SYNE1: variants seen among roughly 807,000 people sequenced by gnomAD.
SYNE1 encodes the protein nesprin-1.
SYNE1 carries 616 observed loss-of-function variants against 1,111.0 expected under a neutral mutation model. That is an observed-to-expected ratio of 0.55 (90% CI 0.52 to 0.59). The LOEUF (loss-of-function observed/expected upper bound fraction) is 0.59. Among genes scored for constraint, SYNE1 ranks in the 20% least tolerant of loss-of-function variants. The pLI, the probability that SYNE1 is intolerant of heterozygous loss-of-function variation, is 0.00. For synonymous variants in SYNE1, 3,855 were observed against 3,825.8 expected (o/e 1.01, Z -0.28); for missense variants, 10,006 against 10,417.0 (o/e 0.96, Z 1.72).
chr6:152,382,256 CTT>C (rs1410653263), intron 55 of SYNE1, among the ~76,000 whole-genome samples: 2 of 151,990 alleles, frequency 1.3e-5, no homozygotes, highest in African/African-American at 4.8e-5. Context: ...AAAATTATGA[CTT>C]TACTACCGGA....
Position 152,353,779 on chromosome 6 carries a change from T to C in SYNE1, c.10927-35A>G. The C allele has an allele frequency of 5.0e-6, 8 of 1,611,884 alleles. No homozygotes were observed. The African/African-American group carries it at 5.3e-5, about 11-fold the overall frequency. On this transcript the variant is annotated intron_variant, in intron 67 of 145. Transcript: ENST00000367255. The stretch of plus-strand genomic sequence containing the variant: ...CAAAGTATCGAAGGGAAAGATTCAA[T>C]CTTAGCCATTCGAATAAGCCAAATG...
Position 152,140,041 on chromosome 6 carries a change from A to G in SYNE1, c.25367T>C (p.Leu8456Pro), listed in dbSNP as rs748092425. ...TTCCAACTCCTCCTCCGTGTCCCCC[A>G]GCCAGGCCCAGATGCTGTTCAAGTC... ...NSDLNSIWAW[L>P]GDTEEELEQL... The change falls in exon 140 of 146, where the codon CTG becomes CCG. Residue 8456 changes from leucine to proline, a missense_variant. Leu to Pro is a moderately conservative substitution (Grantham distance 98, BLOSUM62 -3). Transcript: ENST00000367255. The G allele has an allele frequency of 6.2e-7, 1 of 1,614,168 alleles. No individual in the cohort carries two copies. Among genetic ancestry groups the G allele is most frequent in the Admixed American group, 1.7e-5 (1 of 60,020 alleles).
intron 9 of SYNE1, among the ~76,000 whole-genome samples, chr6:152,504,614 T>A (rs1004048434): frequency 1.3e-5 from 2 of 152,234 alleles, no homozygotes; most frequent in African/African-American, 4.8e-5. Context: ...ACTTTGATAC[T>A]TTTGTTTCAA....
In SYNE1 at chr6:152,574,201, TAC is replaced by T. The variant is rs1039835031; in HGVS notation, c.68-34182_68-34181del. 1.4e-4 allele frequency among the ~76,000 whole-genome samples: 14 copies of T among 99,412 alleles called. No homozygotes were observed. In the South Asian group the frequency reaches 3.3e-3, roughly 23 times the overall value. 65.2% of individuals were successfully genotyped at this position (99,412 alleles called of 152,430 possible). A position where few individuals can be genotyped will look rare whatever the true frequency, so the allele number is the denominator to read the frequency against. On this transcript the variant is annotated intron_variant, in intron 3 of 145. Transcript: ENST00000367255. ...ACATATATATATACACATAAATATA[TAC>T]ATATATATATATATATATGGCAGAT... is the stretch of plus-strand genomic sequence containing the variant.
chr6:152,241,503 T>TGG (rs1161520693), intron 107 of SYNE1, among the ~76,000 whole-genome samples: 1 of 116,152 alleles, frequency 8.6e-6, no homozygotes, highest in African/African-American at 3.3e-5. Context: ...GCAAGAGCTG[T>TGG]GTGTGTGTGT....
intron 82 of SYNE1, among the ~76,000 whole-genome samples, chr6:152,322,844 C>T (rs1001412781): frequency 1.3e-5 from 2 of 152,150 alleles, no homozygotes; most frequent in African/African-American, 4.8e-5. Flanking sequence ...TTCTTTGACC[C>T]CTCTCCTCGG....
At chr6:152,606,004 A>G (rs749143258) in intron 3 of SYNE1, among the ~76,000 whole-genome samples, 2 of 152,186 alleles carry the variant, frequency 1.3e-5, no homozygotes, top group African/African-American at 2.4e-5. Context: ...ACATGAAACC[A>G]GAGCCAATTT....
At chr6:152,381,967 C>T (rs1403647534) in intron 55 of SYNE1, among the ~76,000 whole-genome samples, 1 of 152,174 alleles carries the variant, frequency 6.6e-6, no homozygotes, top group Non-Finnish European at 1.5e-5. Context: ...AAAGTAACCT[C>T]TAGACTGAGT....
Position 152,233,897 on chromosome 6 carries a change from G to A in SYNE1, c.20596C>T (p.Leu6866Phe), listed in dbSNP as rs780884825. 3 of 1,614,184 alleles carry A rather than the reference G, an allele frequency of 1.9e-6. No individual in the cohort carries two copies. The highest frequency in any genetic ancestry group is 2.2e-5 in the East Asian group (1 of 44,868). The change falls in exon 112 of 146, where the codon CTC becomes TTC. Residue 6866 changes from leucine (L) to phenylalanine (F), a missense_variant. Leu to Phe is a conservative substitution (Grantham distance 22). This residue lies in a region of SYNE1 where 2,182 missense variants were observed against 2,287.8 expected (regional missense o/e 0.95). Transcript: ENST00000367255. ...GTGTCCACCTTTTTTAGTCGAAGGA[G>A]CTGATTTCCAGTACTCAGAACAGAT... Reference protein sequence around the residue: ...KSSVLSTGNQLLRLKKVDTAT... With the variant: ...KSSVLSTGNQFLRLKKVDTAT...
chr6:152,312,059 C>T (rs572828655), intron 87 of SYNE1, among the ~76,000 whole-genome samples: 9 of 152,304 alleles, frequency 5.9e-5, no homozygotes, highest in Non-Finnish European at 1.2e-4. Flanking sequence ...GCTGGGATTA[C>T]AGGCGTGAGC....
intron 135 of SYNE1, among the ~76,000 whole-genome samples, chr6:152,150,647 T>C (rs2060247521): frequency 6.6e-6 from 1 of 152,224 alleles, no homozygotes; most frequent in Non-Finnish European, 1.5e-5. Context: ...TTCATAAGCT[T>C]CCTTGGAAAA....
At position 152,256,584 on chromosome 6, in the gene SYNE1, A is replaced by G. The variant is rs764816826; in HGVS notation, c.19104+50T>C. ...GAGGCCAGGCAAATCAATACAAGCAAAACAAGACTCTTATAAACCAAGCCA... is the reference window on the plus strand; with the variant it reads ...GAGGCCAGGCAAATCAATACAAGCAGAACAAGACTCTTATAAACCAAGCCA... On this transcript the variant is annotated intron_variant, in intron 102 of 145. Transcript: ENST00000367255. 39 of 1,610,794 alleles carry G rather than the reference A, an allele frequency of 2.4e-5. 1 individual carries two copies. The South Asian group carries it at 4.2e-4, about 17-fold the overall frequency.
Position 152,321,785 on chromosome 6 carries a change from T to C in SYNE1, c.16019A>G (p.Gln5340Arg). The C allele has an allele frequency of 6.2e-7, 1 of 1,614,082 alleles. No homozygotes were observed. Among genetic ancestry groups the C allele is most frequent in the Non-Finnish European group, 8.5e-7 (1 of 1,179,978 alleles). The change falls in exon 83 of 146, where the codon CAG becomes CGG. Residue 5340 changes from glutamine (Q) to arginine (R), a missense_variant. Physicochemically the swap from Gln to Arg is conservative, Grantham distance 43. This residue lies in a region of SYNE1 where 4,955 missense variants were observed against 5,017.2 expected (regional missense o/e 0.99). Transcript: ENST00000367255. The stretch of plus-strand genomic sequence containing the variant: ...ATTCCCTAAATATTCTTTCGTTTCC[T>C]GAACCCAACATTTCACAGAATTGAT... Reference protein sequence around the residue: ...TQINSVKCWVQETKEYLGNPT... With the variant: ...TQINSVKCWVRETKEYLGNPT...
Position 152,231,833 on chromosome 6 carries a change from CTAGA to C in SYNE1, c.20863-270_20863-267del, listed in dbSNP as rs1262663621. On this transcript the variant is annotated intron_variant, in intron 113 of 145. Coordinates refer to ENST00000367255, the MANE Select transcript of SYNE1 (RefSeq NM_182961.4). ...ATATATTTAGGTAGAAGATTTAGAA[CTAGA>C]TAAATTATATAACCTCACTATAAAA... Among the ~76,000 whole-genome samples, 4 of 151,536 alleles carry C rather than the reference CTAGA, an allele frequency of 2.6e-5. No homozygotes were observed. The South Asian group carries it at 6.2e-4, about 24-fold the overall frequency.
chr6:152,237,234 A>G (rs1050200412), intron 108 of SYNE1, among the ~76,000 whole-genome samples: 1 of 151,948 alleles, frequency 6.6e-6, no homozygotes. Flanking sequence ...AATGGGGATA[A>G]TAATAGCTAT....
chr6:152,316,917 CT>C lies in SYNE1; in HGVS notation c.16641del (p.Val5548SerfsTer26). On this transcript the variant is annotated frameshift_variant, in exon 87 of 146. Transcript: ENST00000367255. LOFTEE classifies it high-confidence loss of function. The part of the protein sequence containing the change: ...ELILKWIEKA[K>X]VLAHGTIAWN... ...CATGCAATAGTTCCATGAGCCAAGACTTTAGCTTTTTCAATCCACTTCAAAA... is the reference window on the plus strand; with the variant it reads ...CATGCAATAGTTCCATGAGCCAAGACTTAGCTTTTTCAATCCACTTCAAAA... The C allele has an allele frequency of 1.2e-6, 2 of 1,614,168 alleles. No individual in the cohort carries two copies. The highest frequency in any genetic ancestry group is 1.7e-6 in the Non-Finnish European group (2 of 1,180,022).
At chr6:152,515,583 G>T (rs1017385150) in intron 6 of SYNE1, among the ~76,000 whole-genome samples, 2 of 152,194 alleles carry the variant, frequency 1.3e-5, no homozygotes, top group Non-Finnish European at 2.9e-5. Context: ...GGAACTATTT[G>T]CTCCCCTCTT....
rs755325107 is a variant in SYNE1, at chr6:152,347,052, C to A, written c.12078+7G>T. 1.9e-6 allele frequency: 3 copies of A among 1,614,066 alleles called. No homozygotes were observed. The highest frequency in any genetic ancestry group is 2.5e-6 in the Non-Finnish European group (3 of 1,180,004). ...TTGTCACTGTGGAATGTTCTGGGGG[C>A]ACTCACCCTCTGAGCTGTGCTGCAG... On this transcript the variant is annotated splice_region_variant and intron_variant, in intron 73 of 145. Transcript: ENST00000367255.
chr6:152,134,996 A>G, intron 142 of SYNE1, 108 bp downstream of exon 142: 1 of 1,525,690 alleles, frequency 6.6e-7, no homozygotes, highest in Non-Finnish European at 9.0e-7. Context: ...CTATAATGCA[A>G]AAAGTTAAAA....
Sources: allele counts gnomAD v4.1 joint callset (sites outside exome capture counted in the v4.1 genomes callset), GRCh38; gene constraint gnomAD v4.1.1; regional missense constraint gnomAD v4.1.1; transcripts MANE v1.5; gene names NCBI Gene and HGNC (gene_info 2026-07-23, HGNC 2026-07-21).